CCSER1: variants seen among roughly 807,000 people sequenced by gnomAD.
CCSER1 encodes coiled-coil serine rich protein 1, also known as serine-rich coiled-coil domain-containing protein 1.
CCSER1 carries 41 observed loss-of-function variants against 82.0 expected under a neutral mutation model. That is an observed-to-expected ratio of 0.50 (90% CI 0.39 to 0.65). CCSER1 has a LOEUF of 0.65. Ranked by LOEUF, CCSER1 falls within the 30% of genes least tolerant of loss-of-function variation. The pLI, the probability that CCSER1 is intolerant of heterozygous loss-of-function variation, is 0.00. For synonymous variants in CCSER1, 414 were observed against 383.9 expected, an observed-to-expected ratio of 1.08 and a Z score of -0.92; for missense variants, 1,119 against 1,064.2, an observed-to-expected ratio of 1.05 and a Z score of -0.72.
At chr4:91,367,707 C>G (rs565701018) in intron 10 of CCSER1, among the ~76,000 whole-genome samples, 1 of 152,226 alleles carries the variant, frequency 6.6e-6, no homozygotes, top group South Asian at 2.1e-4. Context: ...CAAGACTTTC[C>G]TCTCTCAATA....
intron 7 of CCSER1, among the ~76,000 whole-genome samples, chr4:90,758,100 G>A (rs534122044): frequency 6.6e-6 from 1 of 151,876 alleles, no homozygotes; most frequent in Non-Finnish European, 1.5e-5. Context: ...CACCACACCT[G>A]GCTAACTTTG....
intron 1 of CCSER1, among the ~76,000 whole-genome samples, chr4:90,262,183 A>T (rs952704294): frequency 3.1e-4 from 47 of 152,118 alleles, no homozygotes; most frequent in African/African-American, 1.1e-3. Context: ...TTGTCATATT[A>T]CAAATCCCTG....
chr4:90,932,982 GAGA>G (rs1730229793), intron 9 of CCSER1, among the ~76,000 whole-genome samples: 2 of 18,856 alleles, frequency 1.1e-4, no homozygotes, highest in Admixed American at 5.8e-4. Context: ...AAGAAAGAAA[GAGA>G]AAGAAAGAAA....
At chr4:91,375,141 G>C (rs1003496745) in intron 10 of CCSER1, among the ~76,000 whole-genome samples, 24 of 152,166 alleles carry the variant, frequency 1.6e-4, no homozygotes, top group African/African-American at 5.5e-4. Context: ...CATGGGCAGA[G>C]GTATAAATAT....
At chr4:91,308,156 G>A (rs905720254) in intron 10 of CCSER1, among the ~76,000 whole-genome samples, 7 of 151,876 alleles carry the variant, frequency 4.6e-5, no homozygotes, top group Non-Finnish European at 1.0e-4. Context: ...GTAGATGAAC[G>A]CAAAGAGATT....
intron 9 of CCSER1, among the ~76,000 whole-genome samples, chr4:90,968,856 T>TA (rs144783889): frequency 7.3e-5 from 11 of 150,064 alleles, no homozygotes; most frequent in Admixed American, 2.0e-4. Context: ...ATGAAATATC[T>TA]AAAAAAAAAT....
intron 1 of CCSER1, among the ~76,000 whole-genome samples, chr4:90,132,116 T>C (rs1272949887): frequency 6.6e-6 from 1 of 152,220 alleles, no homozygotes; most frequent in Non-Finnish European, 1.5e-5. Context: ...ATAAGAGTTA[T>C]TACAAAAGTG....
intron 10 of CCSER1, among the ~76,000 whole-genome samples, chr4:91,107,578 A>C (rs1399415563): frequency 6.6e-6 from 1 of 151,934 alleles, no homozygotes; most frequent in Non-Finnish European, 1.5e-5. Context: ...TAAGCAATGC[A>C]TGATGGTAAT....
intron 3 of CCSER1, among the ~76,000 whole-genome samples, chr4:90,357,715 G>T (rs1353981986): frequency 1.3e-5 from 2 of 151,984 alleles, no homozygotes; most frequent in Non-Finnish European, 2.9e-5. Flanking sequence ...GACAAATCAT[G>T]GTGTGTACCA....
At chr4:90,653,601 T>G (rs894527840) in intron 6 of CCSER1, among the ~76,000 whole-genome samples, 12 of 152,256 alleles carry the variant, frequency 7.9e-5, no homozygotes, top group African/African-American at 2.9e-4. Flanking sequence ...ATATCTTATT[T>G]TTTAACATAA....
chr4:91,357,879 C>A (rs1182820138), intron 10 of CCSER1, among the ~76,000 whole-genome samples: 4 of 70,352 alleles, frequency 5.7e-5, no homozygotes, highest in Admixed American at 1.5e-4. Flanking sequence ...TCTGCCTGCC[C>A]CCCCCCCCTT....
At chr4:90,691,752 G>A (rs1319768318) in intron 6 of CCSER1, among the ~76,000 whole-genome samples, 3 of 151,412 alleles carry the variant, frequency 2.0e-5, no homozygotes, top group Non-Finnish European at 4.4e-5. Context: ...TTGTTATATA[G>A]GTAAATTGCA....
chr4:90,627,784 T>A (rs1035245556), intron 5 of CCSER1, among the ~76,000 whole-genome samples: 1 of 151,888 alleles, frequency 6.6e-6, no homozygotes, highest in Non-Finnish European at 1.5e-5. Context: ...ATTGAGACCA[T>A]CCTGGCTAAC....
intron 1 of CCSER1, among the ~76,000 whole-genome samples, chr4:90,247,250 T>A (rs6853354): frequency 5.9e-5 from 9 of 151,966 alleles, no homozygotes; most frequent in Non-Finnish European, 5.9e-5. Flanking sequence ...AAAGCAAAAC[T>A]GCAGCTCCAT....
chr4:90,239,911 G>A (rs1689878528), intron 1 of CCSER1, among the ~76,000 whole-genome samples: 1 of 152,146 alleles, frequency 6.6e-6, no homozygotes, highest in South Asian at 2.1e-4. Flanking sequence ...AAACCACATA[G>A]TAGGTTAAAC....
At chr4:90,378,827 C>A (rs566584767) in intron 3 of CCSER1, among the ~76,000 whole-genome samples, 3 of 152,244 alleles carry the variant, frequency 2.0e-5, no homozygotes, top group Admixed American at 6.5e-5. Context: ...GACATGAATT[C>A]TTCTCCCATA....
intron 9 of CCSER1, among the ~76,000 whole-genome samples, chr4:90,982,894 A>G (rs1199933298): frequency 1.3e-5 from 2 of 151,856 alleles, no homozygotes; most frequent in Admixed American, 6.6e-5. Context: ...TAGAGTCCTT[A>G]GAAGCAGACC....
intron 9 of CCSER1, among the ~76,000 whole-genome samples, chr4:90,961,932 G>T (rs191939849): frequency 1.1e-4 from 17 of 152,102 alleles, no homozygotes; most frequent in Middle Eastern, 3.4e-3. Context: ...AATGAGAAAA[G>T]ATTGAATACT....
chr4:91,361,616 G>A (rs1256032397), intron 10 of CCSER1, among the ~76,000 whole-genome samples: 1 of 151,740 alleles, frequency 6.6e-6, no homozygotes, highest in African/African-American at 2.4e-5. Context: ...AAAGAGTGGA[G>A]GGAGAGACTT....
Sources: gnomAD v4.1 joint callset for allele counts (sites outside exome capture counted in the v4.1 genomes callset) on GRCh38, gnomAD v4.1.1 for gene constraint, MANE v1.5 for transcripts, NCBI Gene and HGNC (gene_info 2026-07-23, HGNC 2026-07-21) for gene names.